Variants in TEX11 observed in about 807,000 individuals in gnomAD.
The protein encoded by TEX11 is testis expressed 11.
Under a neutral mutation model 84.4 loss-of-function variants are expected in TEX11, and 7 were observed. The ratio of observed to expected loss-of-function variants is 0.08; its 90% CI spans 0.05 to 0.16. The LOEUF is 0.16. Ranked by LOEUF, TEX11 falls within the 10% of genes least tolerant of loss-of-function variation. The probability of loss-of-function intolerance (pLI) is 1.00; values close to 1 mark genes in which losing one functional copy is unlikely to be tolerated. For synonymous variants in TEX11, 264 were observed against 222.8 expected (o/e 1.18, Z -1.64); for missense variants, 551 against 660.5 (o/e 0.83, Z 1.82).
chrX:70,815,173 T>C (rs2091279280), intron 8 of TEX11, among the ~76,000 whole-genome samples: 1 of 112,362 alleles, frequency 8.9e-6, no homozygotes, highest in Non-Finnish European at 1.9e-5. Context: ...TCATGAGCAT[T>C]GTCTTGAGTA....
At chrX:70,700,057 C>T (rs1195154744) in intron 13 of TEX11, among the ~76,000 whole-genome samples, 1 of 111,314 alleles carries the variant, frequency 9.0e-6, no homozygotes, top group African/African-American at 3.3e-5. Flanking sequence ...TGTGAACAGG[C>T]ATACTTCATT....
intron 25 of TEX11, among the ~76,000 whole-genome samples, chrX:70,578,132 T>C (rs1053826355): frequency 1.8e-5 from 2 of 112,531 alleles, no homozygotes; most frequent in Non-Finnish European, 3.8e-5. Context: ...TTGTTTACAT[T>C]AATCTTTTCT....
intron 24 of TEX11, among the ~76,000 whole-genome samples, chrX:70,595,173 C>A (rs1376573860): frequency 9.0e-6 from 1 of 111,323 alleles, no homozygotes; most frequent in Non-Finnish European, 1.9e-5. Flanking sequence ...CCTCTGCCTG[C>A]CGGATTCAAG....
intron 11 of TEX11, among the ~76,000 whole-genome samples, chrX:70,739,078 C>T (rs760474192): frequency 1.0e-3 from 116 of 111,353 alleles, no homozygotes; most frequent in Non-Finnish European, 1.3e-3. Context: ...TGTAACAAAC[C>T]TGCACATTCT....
intron 20 of TEX11, among the ~76,000 whole-genome samples, chrX:70,619,431 G>T (rs2089356517): frequency 9.0e-6 from 1 of 111,614 alleles, no homozygotes; most frequent in East Asian, 2.8e-4. Flanking sequence ...TGCTAGATTA[G>T]TAGTGTTGCC....
intron 14 of TEX11, among the ~76,000 whole-genome samples, chrX:70,682,003 CCA>C (rs2090151671): frequency 9.0e-6 from 1 of 111,516 alleles, no homozygotes; most frequent in Admixed American, 9.5e-5. Context: ...AGAATAAACC[CCA>C]GAGTTAACAT....
chrX:70,616,452 A>G (rs1337050680), intron 20 of TEX11, among the ~76,000 whole-genome samples: 1 of 112,013 alleles, frequency 8.9e-6, no homozygotes, highest in Non-Finnish European at 1.9e-5. Context: ...ACAGATACAC[A>G]CACAAAAAAA....
intron 9 of TEX11, among the ~76,000 whole-genome samples, chrX:70,787,098 C>T (rs984135393): frequency 9.0e-6 from 1 of 111,667 alleles, no homozygotes; most frequent in Non-Finnish European, 1.9e-5. Context: ...TGTGCCATTG[C>T]ACTCCAGCCT....
At chrX:70,753,028 G>A (rs998085448) in intron 9 of TEX11, among the ~76,000 whole-genome samples, 87 of 110,485 alleles carry the variant, frequency 7.9e-4, no homozygotes, top group African/African-American at 2.7e-3. Context: ...GAGTCAGAAT[G>A]GAATTGCTGA....
At chrX:70,589,511 C>A (rs1474227217) in intron 25 of TEX11, among the ~76,000 whole-genome samples, 1 of 111,122 alleles carries the variant, frequency 9.0e-6, no homozygotes, top group Admixed American at 9.6e-5. Flanking sequence ...AGTTAGCATT[C>A]TGACATACTT....
chrX:70,810,596 G>A (rs966243792), intron 8 of TEX11, among the ~76,000 whole-genome samples: 1 of 111,010 alleles, frequency 9.0e-6, no homozygotes, highest in African/African-American at 3.3e-5. Context: ...TGAACAATGA[G>A]AACACATGGA....
At chrX:70,890,068 T>C (rs948839353) in intron 2 of TEX11, among the ~76,000 whole-genome samples, 1 of 109,962 alleles carries the variant, frequency 9.1e-6, no homozygotes, top group African/African-American at 3.3e-5. Flanking sequence ...ACACACAGAC[T>C]GAAAATAAAG....
chrX:70,728,742 G>A (rs758153053), intron 11 of TEX11, among the ~76,000 whole-genome samples: 21 of 102,530 alleles, frequency 2.0e-4, no homozygotes, highest in Admixed American at 1.8e-3. Flanking sequence ...TGGGGGCAGG[G>A]CATAGCCAAA....
chrX:70,783,109 A>G (rs1190733449), intron 9 of TEX11, among the ~76,000 whole-genome samples: 1 of 111,778 alleles, frequency 8.9e-6, no homozygotes, highest in Non-Finnish European at 1.9e-5. Context: ...AATGTAAAAG[A>G]ACAGAAATCA....
intron 13 of TEX11, among the ~76,000 whole-genome samples, chrX:70,710,269 T>C (rs776589928): frequency 1.0e-3 from 117 of 111,912 alleles, no homozygotes; most frequent in Non-Finnish European, 2.0e-3. Flanking sequence ...GATAATAATA[T>C]TAGATGTGAT....
At chrX:70,847,444 T>C (rs1472893488) in intron 7 of TEX11, among the ~76,000 whole-genome samples, 1 of 111,632 alleles carries the variant, frequency 9.0e-6, no homozygotes, top group African/African-American at 3.3e-5. Flanking sequence ...CTGTTGATCA[T>C]CCTTTTCTCC....
chrX:70,538,783 A>T (rs2087995085), intron 28 of TEX11, among the ~76,000 whole-genome samples: 1 of 109,571 alleles, frequency 9.1e-6, no homozygotes, highest in East Asian at 2.9e-4. Context: ...CAAAATAATG[A>T]GCTTAAATTA....
At chrX:70,742,139 A>C (rs2090737423) in intron 10 of TEX11, among the ~76,000 whole-genome samples, 1 of 110,792 alleles carries the variant, frequency 9.0e-6, no homozygotes, top group Non-Finnish European at 1.9e-5. Context: ...CCCTGTTTCA[A>C]ATAGGGGTAA....
At chrX:70,546,105 CCA>C (rs1026511281) in intron 28 of TEX11, among the ~76,000 whole-genome samples, 2 of 111,824 alleles carry the variant, frequency 1.8e-5, no homozygotes, top group African/African-American at 6.5e-5. Context: ...CCTTACAACC[CCA>C]GTGTGGGAGA....
Sources: gnomAD v4.1 joint callset for allele counts (sites outside exome capture counted in the v4.1 genomes callset) on GRCh38, gnomAD v4.1.1 for gene constraint, MANE v1.5 for transcripts, NCBI Gene and HGNC (gene_info 2026-07-23, HGNC 2026-07-21) for gene names.